Variants in DOCK8 observed in about 807,000 individuals in gnomAD.
The protein encoded by DOCK8 is dedicator of cytokinesis 8.
Under a neutral mutation model 245.6 loss-of-function variants are expected in DOCK8, and 141 were observed. The ratio of observed to expected loss-of-function variants is 0.57; its 90% CI spans 0.50 to 0.66. The LOEUF (loss-of-function observed/expected upper bound fraction) is 0.66, where lower values mean the gene tolerates loss of function less well. DOCK8 is among the 30% of genes least tolerant of loss of function. The pLI is 0.00. For missense variants in DOCK8, 2,965 were observed against 2,603.4 expected (o/e 1.14, Z -3.02); for synonymous variants, 1,168 against 970.2 (o/e 1.20, Z -3.79).
intron 20 of DOCK8, 51 bp from the exon 21 acceptor site, chr9:379,720 G>T (rs1054942738): frequency 1.2e-6 from 2 of 1,603,836 alleles, no homozygotes; most frequent in Non-Finnish European, 1.7e-6. Context: ...TCCACCTCAG[G>T]CTCCTTAAGG....
chr9:414,710 C>T, intron 28 of DOCK8, 72 bp from the exon 29 acceptor site: 1 of 1,593,732 alleles, frequency 6.3e-7, no homozygotes, highest in Non-Finnish European at 8.6e-7. Context: ...TTTCATCACT[C>T]TTGACTGTTT....
At chr9:336,430 G>C in intron 11 of DOCK8, 152 bp from the exon 12 acceptor site, 2 of 1,051,226 alleles carry the variant, frequency 1.9e-6, no homozygotes, top group Non-Finnish European at 2.8e-6. Flanking sequence ...AGAAAGGTAG[G>C]GGCCAATGGA....
Position 432,275 on chromosome 9 carries a change from C to T in DOCK8, c.4736C>T (p.Ala1579Val), listed in dbSNP as rs145202369. The T allele has an allele frequency of 3.7e-6, 6 of 1,613,860 alleles. No homozygotes were observed. The highest frequency in any genetic ancestry group is 5.1e-6 in the Non-Finnish European group (6 of 1,179,980). ...AGAAGATCCTTGAGGACAATTTTGG[C>T]CTATTCAGAAGAGGACACAGCCATG... is the stretch of plus-strand genomic sequence containing the variant. ...HLRRSLRTIL[A>V]YSEEDTAMQM... Residue 1579 changes from alanine to valine, a missense_variant, in exon 37 of 48, where the codon GCC becomes GTC. Ala to Val is a moderately conservative substitution (Grantham distance 64, BLOSUM62 0). Coordinates refer to ENST00000432829, the MANE Select transcript of DOCK8 (RefSeq NM_203447.4).
upstream of DOCK8, chr9:214,808 TCC>T (rs756087123): frequency 1.9e-6 from 3 of 1,587,594 alleles, no homozygotes; most frequent in African/African-American, 4.1e-5. Context: ...GCTCGGACCC[TCC>T]CCCGGGGTGA....
Position 325,696 on chromosome 9 carries a change from T to C in DOCK8, c.853T>C (p.Phe285Leu). ...GTTCGAGATTGAAATTGAGCCCCTG[T>C]TTGCCAGCATTGCCCTCTACGATGT... is the stretch of plus-strand genomic sequence containing the variant. ...LKFEIEIEPL[F>L]ASIALYDVKE... The change falls in exon 8 of 48, where the codon TTT becomes CTT. Residue 285 changes from phenylalanine (F) to leucine (L), a missense_variant. This residue lies in a region of DOCK8 where 2,825 missense variants were observed against 2,453.5 expected (regional missense o/e 1.15). Coordinates refer to ENST00000432829, the MANE Select transcript of DOCK8 (RefSeq NM_203447.4). The C allele has an allele frequency of 6.2e-7, 1 of 1,614,144 alleles. No individual in the cohort carries two copies. Among genetic ancestry groups the C allele is most frequent in the African/African-American group, 1.3e-5 (1 of 75,062 alleles).
rs10115075 is a variant in DOCK8, at chr9:355,198, T to C, written c.1680-12820T>C. ...GTGTATTTCTGTTTCTTTTCTTTTT[T>C]TTTTTTTTTTTTTTTTTTTTTTTTG... On this transcript the variant is annotated intron_variant, in intron 14 of 47. Transcript: ENST00000432829. Among the ~76,000 whole-genome samples the C allele has an allele frequency of 2.5e-3, 82 of 32,716 alleles. 3 individuals carry two copies. The highest frequency in any genetic ancestry group is 0.013 in the Admixed American group (26 of 1,936). 21.5% of individuals were successfully genotyped at this position (32,716 alleles called of 152,430 possible).
At chr9:265,157 C>T (rs1358031902) in intron 1 of DOCK8, among the ~76,000 whole-genome samples, 1 of 152,162 alleles carries the variant, frequency 6.6e-6, no homozygotes, top group African/African-American at 2.4e-5. Flanking sequence ...GTCTTGAACT[C>T]CTGACCGCAG....
intron 2 of DOCK8, among the ~76,000 whole-genome samples, chr9:274,465 C>CTTTTT (rs71312800): frequency 1.5e-4 from 22 of 145,030 alleles, no homozygotes; most frequent in African/African-American, 4.8e-4. Context: ...GGATTGAATT[C>CTTTTT]TTTTTTTTTT....
intron 1 of DOCK8, among the ~76,000 whole-genome samples, chr9:217,195 G>C (rs1400699589): frequency 2.0e-5 from 3 of 152,206 alleles, no homozygotes; most frequent in African/African-American, 7.2e-5. Context: ...GTCTGGCTCA[G>C]AATAAATGGT....
At chr9:407,113 A>G in intron 28 of DOCK8, 44 bp downstream of exon 28, 2 of 1,613,570 alleles carry the variant, frequency 1.2e-6, no homozygotes, top group Middle Eastern at 1.7e-4. Flanking sequence ...CCAAAAAAAC[A>G]GATGTTCTTT....
At chr9:437,587 G>C (rs1227319735) in intron 39 of DOCK8, among the ~76,000 whole-genome samples, 1 of 152,202 alleles carries the variant, frequency 6.6e-6, no homozygotes, top group Non-Finnish European at 1.5e-5. Flanking sequence ...AAGAATTCTA[G>C]ACAGCATTAA....
intron 46 of DOCK8, among the ~76,000 whole-genome samples, chr9:453,903 A>G (rs894101442): frequency 2.0e-5 from 3 of 152,218 alleles, no homozygotes; most frequent in South Asian, 2.1e-4. Flanking sequence ...AAAAGGACCT[A>G]TGAAATGTTT....
At chr9:295,335 G>A (rs970110406) in intron 4 of DOCK8, among the ~76,000 whole-genome samples, 16 of 152,250 alleles carry the variant, frequency 1.1e-4, no homozygotes, top group African/African-American at 3.9e-4. Flanking sequence ...TTTGCGTGGT[G>A]CTGGGACTGT....
chr9:331,274 C>G (rs1375406903), intron 9 of DOCK8, among the ~76,000 whole-genome samples: 1 of 152,106 alleles, frequency 6.6e-6, no homozygotes, highest in Non-Finnish European at 1.5e-5. Flanking sequence ...GTGTTACGTG[C>G]TTATGTTTTC....
chr9:285,833 C>T (rs1477883915), intron 2 of DOCK8, among the ~76,000 whole-genome samples: 4 of 152,138 alleles, frequency 2.6e-5, no homozygotes, highest in African/African-American at 7.2e-5. Context: ...AGTTTCCTTG[C>T]GTAGCTGCAG....
rs1289108055 is a variant in DOCK8 at position 414,954 on chromosome 9, A to G, written c.3700+3A>G. 1 of 1,613,110 alleles carries G rather than the reference A, an allele frequency of 6.2e-7. No homozygotes were observed. Among genetic ancestry groups the G allele is most frequent in the Non-Finnish European group, 8.5e-7 (1 of 1,179,984 alleles). On this transcript the variant is annotated splice_donor_region_variant and intron_variant, in intron 29 of 47. Coordinates refer to ENST00000432829, the MANE Select transcript of DOCK8 (RefSeq NM_203447.4). Reference sequence around the variant, plus strand: ...GCCACAGCTCTGTGACTTTACAGGTAATGGCCCTTCTGTTTTCTTTCTTGG... The same window carrying G: ...GCCACAGCTCTGTGACTTTACAGGTGATGGCCCTTCTGTTTTCTTTCTTGG...
intron 43 of DOCK8, 44 bp downstream of exon 43, chr9:443,560 C>T: frequency 6.8e-7 from 1 of 1,468,844 alleles, no homozygotes; most frequent in Non-Finnish European, 9.5e-7. Context: ...CTCTAAATCC[C>T]TTCGTTCTCT....
At chr9:333,312 A>G (rs949876216) in intron 10 of DOCK8, among the ~76,000 whole-genome samples, 2 of 152,244 alleles carry the variant, frequency 1.3e-5, no homozygotes, top group African/African-American at 2.4e-5. Flanking sequence ...TTTTTAAAAC[A>G]TGGCCTTGGC....
At chr9:441,182 A>G (rs1388790755) in intron 40 of DOCK8, 104 bp from the exon 41 acceptor site, 31 of 1,536,214 alleles carry the variant, frequency 2.0e-5, no homozygotes, top group East Asian at 6.8e-5. Flanking sequence ...TGATACAACA[A>G]TAAATTCACT....
Sources: allele counts gnomAD v4.1 joint callset (sites outside exome capture counted in the v4.1 genomes callset), GRCh38; gene constraint gnomAD v4.1.1; regional missense constraint gnomAD v4.1.1; transcripts MANE v1.5; gene names NCBI Gene and HGNC (gene_info 2026-07-23, HGNC 2026-07-21).